Variants in PARN observed in about 807,000 individuals in gnomAD.
PARN encodes poly(A)-specific ribonuclease PARN.
Under a neutral mutation model 102.8 loss-of-function variants are expected in PARN, and 71 were observed. The observed-to-expected ratio is 0.69, with a 90% CI of 0.57 to 0.84. The LOEUF is 0.84. PARN is among the 40% of genes least tolerant of loss of function. PARN has a pLI of 0.00. For missense variants in PARN, 782 were observed against 760.9 expected (o/e 1.03, Z -0.33); for synonymous variants, 261 against 252.9 (o/e 1.03, Z -0.30).
At chr16:14,607,073 G>A (rs998794598) in intron 9 of PARN, among the ~76,000 whole-genome samples, 2 of 152,108 alleles carry the variant, frequency 1.3e-5, no homozygotes, top group African/African-American at 2.4e-5. Context: ...GAGCCACTGC[G>A]CCTGACCAGG....
chr16:14,536,429 A>G (rs1966608609), intron 21 of PARN, among the ~76,000 whole-genome samples: 1 of 152,224 alleles, frequency 6.6e-6, no homozygotes, highest in Non-Finnish European at 1.5e-5. Context: ...GTGGCCGAAG[A>G]GCAAACTGGC....
At chr16:14,585,366 T>G (rs1163413069) in intron 14 of PARN, among the ~76,000 whole-genome samples, 6 of 27,400 alleles carry the variant, frequency 2.2e-4, no homozygotes, top group East Asian at 1.2e-3. Context: ...ATTTCTCTGT[T>G]TTTTTTTTTT....
chr16:14,456,897 C>T (rs1961707184), intron 22 of PARN, among the ~76,000 whole-genome samples: 1 of 152,174 alleles, frequency 6.6e-6, no homozygotes, highest in Non-Finnish European at 1.5e-5. Context: ...TTTCCTCCTC[C>T]TACTCGCCTC....
intron 12 of PARN, among the ~76,000 whole-genome samples, chr16:14,596,545 G>A (rs1249219067): frequency 6.6e-6 from 1 of 151,586 alleles, no homozygotes; most frequent in African/African-American, 2.4e-5. Context: ...AGACCAGCCT[G>A]GACAACATAG....
intron 18 of PARN, among the ~76,000 whole-genome samples, chr16:14,557,395 A>G (rs1006550505): frequency 6.6e-6 from 1 of 151,986 alleles, no homozygotes; most frequent in Admixed American, 6.6e-5. Context: ...CGTCTCTACT[A>G]AAAATACAAA....
chr16:14,501,445 A>AAAAAAAAAAAAAAAAAAAAAAAAAAAAAC (rs1964599106), intron 21 of PARN: 1 of 125,106 alleles, frequency 8.0e-6, no homozygotes, highest in African/African-American at 3.7e-5. Context: ...CAAAAAAAAA[A>AAAAAAAAAAAAAAAAAAAAAAAAAAAAAC]AAAAAAAAAA....
At chr16:14,568,338 G>A (rs138030631) in intron 18 of PARN, among the ~76,000 whole-genome samples, 4,330 of 149,814 alleles carry the variant, frequency 0.029, 81 homozygotes, top group Non-Finnish European at 0.045. Flanking sequence ...TCAGCCTCCC[G>A]AGTAGCTGGG....
chr16:14,478,606 A>C (rs1963204454), intron 22 of PARN, among the ~76,000 whole-genome samples: 1 of 152,196 alleles, frequency 6.6e-6, no homozygotes, highest in Non-Finnish European at 1.5e-5. Flanking sequence ...TCAGTGCAAT[A>C]AGGCAAGAAA....
intron 23 of PARN, among the ~76,000 whole-genome samples, chr16:14,444,983 A>ATTTTT (rs564058919): frequency 7.3e-4 from 86 of 117,930 alleles, no homozygotes; most frequent in African/African-American, 8.9e-4. Flanking sequence ...TAATATTTAA[A>ATTTTT]TTTTTTTTTT....
chr16:14,544,090 G>A (rs962228637), intron 21 of PARN, among the ~76,000 whole-genome samples: 2 of 152,138 alleles, frequency 1.3e-5, no homozygotes, highest in African/African-American at 4.8e-5. Context: ...TACTTGGGAG[G>A]CAGAGGCAGG....
intron 21 of PARN, among the ~76,000 whole-genome samples, chr16:14,486,186 T>C (rs1054026374): frequency 6.6e-6 from 1 of 151,822 alleles, no homozygotes; most frequent in Non-Finnish European, 1.5e-5. Flanking sequence ...AAAACCCCAT[T>C]CTCCACACAC....
intron 21 of PARN, among the ~76,000 whole-genome samples, chr16:14,526,078 A>G (rs1965982832): frequency 6.6e-6 from 1 of 151,974 alleles, no homozygotes; most frequent in African/African-American, 2.4e-5. Context: ...TCAGCCTCCC[A>G]AAGTGCTGGG....
At chr16:14,624,520 A>G (rs1053123376) in intron 5 of PARN, among the ~76,000 whole-genome samples, 24 of 152,192 alleles carry the variant, frequency 1.6e-4, no homozygotes, top group Admixed American at 9.2e-4. Flanking sequence ...CAACTGTATT[A>G]AGTATTCCAG....
intron 21 of PARN, among the ~76,000 whole-genome samples, chr16:14,533,930 G>C (rs956359685): frequency 6.6e-6 from 1 of 152,064 alleles, no homozygotes; most frequent in Admixed American, 6.5e-5. Context: ...ACAGTACAAA[G>C]GCAAATATTG....
intron 8 of PARN, 128 bp from the exon 9 acceptor site, chr16:14,608,447 C>T: frequency 1.7e-6 from 1 of 601,462 alleles, no homozygotes; most frequent in Non-Finnish European, 2.9e-6. Flanking sequence ...AATTTGCAAA[C>T]AAAAATACGC....
intron 13 of PARN, among the ~76,000 whole-genome samples, chr16:14,587,426 C>T (rs908539024): frequency 6.6e-6 from 1 of 152,188 alleles, no homozygotes; most frequent in Non-Finnish European, 1.5e-5. Flanking sequence ...AAACACTCTC[C>T]TCTAAAAGGC....
chr16:14,534,130 G>T (rs903111120), intron 21 of PARN, among the ~76,000 whole-genome samples: 1 of 151,690 alleles, frequency 6.6e-6, no homozygotes, highest in African/African-American at 2.4e-5. Flanking sequence ...GAGGTGGGAG[G>T]GTAATCTGAG....
chr16:14,448,700 T>C (rs1004661413), intron 22 of PARN, among the ~76,000 whole-genome samples: 1 of 152,246 alleles, frequency 6.6e-6, no homozygotes. Context: ...CCAAGTGCAC[T>C]TGATAGGACA....
intron 23 of PARN, among the ~76,000 whole-genome samples, chr16:14,437,290 G>A (rs1398008434): frequency 6.6e-6 from 1 of 152,178 alleles, no homozygotes; most frequent in African/African-American, 2.4e-5. Flanking sequence ...CAAAGTCCCT[G>A]GAAACTGAGT....
Sources: allele counts gnomAD v4.1 joint callset (sites outside exome capture counted in the v4.1 genomes callset), GRCh38; gene constraint gnomAD v4.1.1; transcripts MANE v1.5; gene names NCBI Gene and HGNC (gene_info 2026-07-23, HGNC 2026-07-21).